Variants in MRC1 observed in about 807,000 individuals in gnomAD.
The protein encoded by MRC1 is mannose receptor C-type 1.
Under a neutral mutation model 102.9 loss-of-function variants are expected in MRC1, and 62 were observed. The ratio of observed to expected loss-of-function variants is 0.60; its 90% CI spans 0.49 to 0.74. The LOEUF (loss-of-function observed/expected upper bound fraction) is 0.74, where lower values mean the gene tolerates loss of function less well. Among genes scored for constraint, MRC1 ranks in the 30% least tolerant of loss-of-function variants. MRC1 has a pLI of 0.00. For missense variants in MRC1, 1,237 were observed against 862.8 expected (o/e 1.43, Z -5.43); for synonymous variants, 457 against 298.4 (o/e 1.53, Z -5.48).
chr10:17,867,800 C>A (rs1475083118), intron 12 of MRC1, among the ~76,000 whole-genome samples: 1 of 152,138 alleles, frequency 6.6e-6, no homozygotes, highest in Non-Finnish European at 1.5e-5. Context: ...GCTCTTAGAG[C>A]CCAAGTTTTA....
chr10:17,825,646 A>C (rs1009176980), intron 2 of MRC1, among the ~76,000 whole-genome samples: 34 of 152,298 alleles, frequency 2.2e-4, no homozygotes, highest in African/African-American at 7.7e-4. Context: ...AGGTGGGAGC[A>C]TTACTTGAGC....
Position 17,840,791 on chromosome 10 carries a change from T to C in MRC1, c.901T>C (p.Leu301=). The part of the protein sequence containing the change: ...QWSDRSPFRY[L]NWLPGSPSAE... Reference sequence around the variant, plus strand: ...GAGTGACCGCAGTCCTTTCCGATATTTGAACTGGTTACCAGGTAGGGTTAA... The same window carrying C: ...GAGTGACCGCAGTCCTTTCCGATATCTGAACTGGTTACCAGGTAGGGTTAA... The change falls in exon 5 of 30, where the codon TTG becomes CTG. Residue 301 remains leucine, a synonymous_variant. Transcript: ENST00000569591. 1.3e-6 allele frequency: 1 copy of C among 780,858 alleles called. No individual in the cohort carries two copies. 48.4% of individuals were successfully genotyped at this position (780,858 alleles called of 1,614,324 possible).
At chr10:17,858,454 C>A (rs1465597205) in intron 9 of MRC1, among the ~76,000 whole-genome samples, 2 of 152,072 alleles carry the variant, frequency 1.3e-5, no homozygotes, top group Non-Finnish European at 2.9e-5. Flanking sequence ...GTGCCTAGAT[C>A]TGGAATTATT....
rs1833720006 is a variant in MRC1, at chr10:17,894,204, A to G, written c.3148-6A>G. 1 of 872,452 alleles carries G rather than the reference A, an allele frequency of 1.1e-6. No individual in the cohort carries two copies. The highest frequency in any genetic ancestry group is 1.6e-5 in the African/African-American group (1 of 61,310). 54.0% of individuals were successfully genotyped at this position (872,452 alleles called of 1,614,324 possible). A position where few individuals can be genotyped will look rare whatever the true frequency, so the allele number is the denominator to read the frequency against. On this transcript the variant is annotated splice_region_variant and splice_polypyrimidine_tract_variant and intron_variant, in intron 22 of 29. Coordinates refer to ENST00000569591, the MANE Select transcript of MRC1 (RefSeq NM_002438.4). The stretch of plus-strand genomic sequence containing the variant: ...GTTTTCTTTTTCTTTCTCCATAAAT[A>G]TACAGGCTGACTGTGTTGTTATTAT...
chr10:17,838,810 CA>C (rs1838708405), intron 4 of MRC1, among the ~76,000 whole-genome samples: 1 of 151,722 alleles, frequency 6.6e-6, no homozygotes, highest in African/African-American at 2.4e-5. Context: ...CCCAACTGTA[CA>C]AAAAAAATTT....
At chr10:17,836,551 T>C (rs1033909136) in intron 4 of MRC1, among the ~76,000 whole-genome samples, 4 of 152,026 alleles carry the variant, frequency 2.6e-5, no homozygotes, top group Non-Finnish European at 5.9e-5. Flanking sequence ...GTATCAGAGG[T>C]GGTCTGGGCA....
chr10:17,880,299 T>C (rs1833495954), intron 19 of MRC1, among the ~76,000 whole-genome samples: 1 of 152,216 alleles, frequency 6.6e-6, no homozygotes, highest in East Asian at 1.9e-4. Flanking sequence ...CAACATCATG[T>C]ACATGTTTGG....
intron 28 of MRC1, among the ~76,000 whole-genome samples, chr10:17,908,517 T>C (rs1398852939): frequency 6.6e-6 from 1 of 152,076 alleles, no homozygotes; most frequent in African/African-American, 2.4e-5. Context: ...TCTCTAACTG[T>C]TCTAAGACAC....
intron 5 of MRC1, among the ~76,000 whole-genome samples, chr10:17,843,820 T>A (rs1357187955): frequency 6.6e-6 from 1 of 152,144 alleles, no homozygotes; most frequent in African/African-American, 2.4e-5. Flanking sequence ...CTCCAGACTT[T>A]GTGGAGCAGG....
At chr10:17,843,366 A>G (rs1838778501) in intron 5 of MRC1, among the ~76,000 whole-genome samples, 1 of 152,140 alleles carries the variant, frequency 6.6e-6, no homozygotes, top group Non-Finnish European at 1.5e-5. Flanking sequence ...TATGCTTATT[A>G]CTAACTTTAA....
chr10:17,871,855 G>A (rs1214079333), intron 14 of MRC1, 127 bp from the exon 15 acceptor site: 3 of 693,642 alleles, frequency 4.3e-6, no homozygotes, highest in East Asian at 2.5e-5. Flanking sequence ...TCAAAGCAAA[G>A]CTATTGTGAA....
chr10:17,840,926 C>G (rs1448472336), intron 5 of MRC1, 120 bp downstream of exon 5: 10 of 752,972 alleles, frequency 1.3e-5, no homozygotes, highest in Non-Finnish European at 2.5e-5. Context: ...TCATCAAATA[C>G]AGTTCATTTC....
intron 1 of MRC1, among the ~76,000 whole-genome samples, chr10:17,814,964 C>T (rs1458510926): frequency 3.3e-5 from 5 of 152,054 alleles, no homozygotes; most frequent in Admixed American, 2.0e-4. Flanking sequence ...CCGTGCCTGG[C>T]CGGTCCCTCT....
At chr10:17,848,884 C>T (rs1838869111) in intron 6 of MRC1, among the ~76,000 whole-genome samples, 2 of 152,100 alleles carry the variant, frequency 1.3e-5, no homozygotes, top group African/African-American at 4.8e-5. Flanking sequence ...GCGGAGGCTC[C>T]TTGGAGACCG....
At chr10:17,887,688 A>G (rs989199690) in intron 22 of MRC1, among the ~76,000 whole-genome samples, 56 of 152,382 alleles carry the variant, frequency 3.7e-4, no homozygotes, top group African/African-American at 1.3e-3. Flanking sequence ...ACCAATTCAG[A>G]AAAACAACAC....
chr10:17,810,654 G>T (rs1838207593), intron 1 of MRC1, among the ~76,000 whole-genome samples: 1 of 152,122 alleles, frequency 6.6e-6, no homozygotes, highest in Non-Finnish European at 1.5e-5. Context: ...CAGTTCTTGT[G>T]ATGATTCAAT....
In MRC1 at chr10:17,818,634, C is replaced by T. The variant is rs963520441; in HGVS notation, c.62-4440C>T. Among the ~76,000 whole-genome samples the T allele has an allele frequency of 4.7e-4, 71 of 152,192 alleles. 1 individual carries two copies. The highest frequency in any genetic ancestry group is 1.2e-3 in the African/African-American group (48 of 41,528). On this transcript the variant is annotated intron_variant, in intron 1 of 29. Coordinates refer to ENST00000569591, the MANE Select transcript of MRC1 (RefSeq NM_002438.4). ...GACCAGCTTGGCCAACATGGTGAAACCCCACCTCTACTAAAAATACAAAAA... is the reference window on the plus strand; with the variant it reads ...GACCAGCTTGGCCAACATGGTGAAATCCCACCTCTACTAAAAATACAAAAA...
chr10:17,854,476 G>T (rs1467806898), intron 8 of MRC1, among the ~76,000 whole-genome samples: 1 of 152,130 alleles, frequency 6.6e-6, no homozygotes, highest in Non-Finnish European at 1.5e-5. Context: ...CTTGGAGGAG[G>T]TGAAAGGTCA....
chr10:17,898,333 C>G, intron 24 of MRC1, 67 bp downstream of exon 24: 1 of 780,138 alleles, frequency 1.3e-6, no homozygotes, highest in East Asian at 2.4e-5. Flanking sequence ...GATTATCTTT[C>G]TGTTTGTTCT....
Sources: gnomAD v4.1 joint callset for allele counts (sites outside exome capture counted in the v4.1 genomes callset) on GRCh38, gnomAD v4.1.1 for gene constraint, MANE v1.5 for transcripts, NCBI Gene and HGNC (gene_info 2026-07-23, HGNC 2026-07-21) for gene names.